Variants in ITGA9 observed in about 807,000 individuals in gnomAD.
ITGA9 encodes the protein integrin alpha-9.
Under a neutral mutation model 127.8 loss-of-function variants are expected in ITGA9, and 56 were observed. That is an observed-to-expected ratio of 0.44 (90% CI 0.35 to 0.55). The LOEUF (loss-of-function observed/expected upper bound fraction) is 0.55. Ranked by LOEUF, ITGA9 falls within the 20% of genes least tolerant of loss-of-function variation. The probability of loss-of-function intolerance (pLI) is 0.00; values close to 1 mark genes in which losing one functional copy is unlikely to be tolerated. For synonymous variants in ITGA9, 508 were observed against 514.5 expected (o/e 0.99, Z 0.17); for missense variants, 1,196 against 1,347.1 (o/e 0.89, Z 1.76).
At chr3:37,556,681 A>C (rs892248681) in intron 15 of ITGA9, among the ~76,000 whole-genome samples, 1 of 152,252 alleles carries the variant, frequency 6.6e-6, no homozygotes, top group African/African-American at 2.4e-5. Context: ...GCTGGTCCAT[A>C]GACCACAAAG....
chr3:37,635,799 G>A (rs1209772187), intron 16 of ITGA9, among the ~76,000 whole-genome samples: 12 of 100,974 alleles, frequency 1.2e-4, no homozygotes, highest in African/African-American at 3.7e-4. Flanking sequence ...CCCCACAACC[G>A]TCCCCGGTGT....
chr3:37,615,369 A>T (rs1338395227), intron 15 of ITGA9, among the ~76,000 whole-genome samples: 1 of 152,190 alleles, frequency 6.6e-6, no homozygotes, highest in Non-Finnish European at 1.5e-5. Flanking sequence ...TCGGTTTGCC[A>T]GTATTTTATT....
At chr3:37,765,832 T>A (rs192288407) in intron 23 of ITGA9, among the ~76,000 whole-genome samples, 1 of 152,372 alleles carries the variant, frequency 6.6e-6, no homozygotes, top group Non-Finnish European at 1.5e-5. Context: ...GTCTCCCTGC[T>A]GACTGAAGGC....
At position 37,743,986 on chromosome 3, in the gene ITGA9, G is replaced by C. The variant is rs749445153; in HGVS notation, c.2385G>C (p.Gln795His). The change falls in exon 22 of 28, where the codon CAG becomes CAC. Residue 795 changes from glutamine (Q) to histidine (H), a missense_variant. Coordinates refer to ENST00000264741, the MANE Select transcript of ITGA9 (RefSeq NM_002207.3). ...GESVDAANFI[Q>H]LDDLECHFQP... ...CCGTGGACGCAGCCAACTTCATTCA[G>C]CTGGATGACCTGGAGTGTCACTTTC... 3 of 1,614,152 alleles carry C rather than the reference G, an allele frequency of 1.9e-6. No homozygotes were observed. The highest frequency in any genetic ancestry group is 2.5e-6 in the Non-Finnish European group (3 of 1,179,998).
intron 15 of ITGA9, among the ~76,000 whole-genome samples, chr3:37,576,692 C>T (rs778212582): frequency 1.8e-4 from 27 of 152,332 alleles, no homozygotes; most frequent in Non-Finnish European, 2.4e-4. Flanking sequence ...CTGCAACCTC[C>T]GCCTCCCAGG....
Position 37,819,859 on chromosome 3 carries a change from T to C in ITGA9, c.*870T>C, listed in dbSNP as rs1267021846. On this transcript the variant is annotated 3_prime_UTR_variant, in exon 28 of 28. Transcript: ENST00000264741. ...GGCGTCTCATCCTGGACATCCTGCA[T>C]CAGAGTTCACACACCACAAGGACTA... The C allele has an allele frequency of 6.6e-6, 1 of 152,184 alleles. No individual in the cohort carries two copies. Among genetic ancestry groups the C allele is most frequent in the East Asian group, 1.9e-4 (1 of 5,200 alleles). The allele number at this position is 152,184 out of a possible 1,614,324, so 9.4% of individuals were successfully genotyped here.
chr3:37,609,781 T>C (rs568142865), intron 15 of ITGA9, among the ~76,000 whole-genome samples: 1 of 152,172 alleles, frequency 6.6e-6, no homozygotes, highest in Non-Finnish European at 1.5e-5. Context: ...ATGTCTAAGC[T>C]TCTTCATTCA....
intron 16 of ITGA9, among the ~76,000 whole-genome samples, chr3:37,649,848 G>A (rs572369991): frequency 2.6e-5 from 4 of 152,280 alleles, no homozygotes; most frequent in African/African-American, 4.8e-5. Context: ...ATTTCAGATC[G>A]AAATCATACC....
intron 26 of ITGA9, chr3:37,790,970 A>C (rs1354727773): frequency 6.6e-6 from 1 of 152,246 alleles, no homozygotes; most frequent in Admixed American, 6.5e-5. Flanking sequence ...GCTGGCCTGC[A>C]GAAAGAAAAG....
At chr3:37,594,120 G>A (rs1257322502) in intron 15 of ITGA9, among the ~76,000 whole-genome samples, 2 of 152,214 alleles carry the variant, frequency 1.3e-5, no homozygotes, top group African/African-American at 4.8e-5. Context: ...GCCTGGGATC[G>A]GAGTTCCAGG....
chr3:37,732,704 T>C lies in ITGA9; in HGVS notation c.2068-8T>C. 1 of 1,603,470 alleles carries C rather than the reference T, an allele frequency of 6.2e-7. No individual in the cohort carries two copies. Among genetic ancestry groups the C allele is most frequent in the Non-Finnish European group, 8.5e-7 (1 of 1,175,566 alleles). ...AGCCGGCCCATCTGTTGGTGCTTTT[T>C]CTTTCAGGAGGAGATGGGCATCTCC... On this transcript the variant is annotated splice_region_variant and splice_polypyrimidine_tract_variant and intron_variant, in intron 18 of 27. Transcript: ENST00000264741.
intron 23 of ITGA9, among the ~76,000 whole-genome samples, chr3:37,755,767 G>A (rs1211767000): frequency 6.6e-6 from 1 of 152,044 alleles, no homozygotes; most frequent in African/African-American, 2.4e-5. Context: ...ATAAGAGTTA[G>A]AAGTCAAGAG....
At chr3:37,603,561 G>T (rs1049488361) in intron 15 of ITGA9, among the ~76,000 whole-genome samples, 1 of 152,144 alleles carries the variant, frequency 6.6e-6, no homozygotes, top group Admixed American at 6.5e-5. Flanking sequence ...AATAGGGAAG[G>T]GATGTGTGAT....
chr3:37,561,928 G>A (rs955676621), intron 15 of ITGA9, among the ~76,000 whole-genome samples: 8 of 152,156 alleles, frequency 5.3e-5, no homozygotes, highest in Admixed American at 3.3e-4. Context: ...GCACTATTGT[G>A]CTTCCTGTGT....
chr3:37,665,707 G>A (rs1288084915), intron 17 of ITGA9, among the ~76,000 whole-genome samples: 3 of 152,054 alleles, frequency 2.0e-5, no homozygotes, highest in Non-Finnish European at 2.9e-5. Flanking sequence ...CACCTGCCTT[G>A]GCCTCCCAAA....
intron 18 of ITGA9, among the ~76,000 whole-genome samples, chr3:37,686,409 C>T (rs1365317888): frequency 6.6e-6 from 1 of 152,206 alleles, no homozygotes; most frequent in Non-Finnish European, 1.5e-5. Flanking sequence ...GCATCATTTT[C>T]TACCCCTGTA....
At chr3:37,618,218 A>G in intron 15 of ITGA9, among the ~76,000 whole-genome samples, 1 of 152,192 alleles carries the variant, frequency 6.6e-6, no homozygotes, top group Non-Finnish European at 1.5e-5. Flanking sequence ...GGAGTTTGCC[A>G]GAGGTCCACT....
rs771450462 is a variant in ITGA9, at chr3:37,736,953, A to G, written c.2204A>G (p.Glu735Gly). 7.4e-6 allele frequency: 12 copies of G among 1,613,340 alleles called. No homozygotes were observed. The East Asian group carries it at 2.5e-4, about 33-fold the overall frequency. Reference sequence around the variant, plus strand: ...ACAAGCCACCTGTCTGGGGAAGAGGAAGTTCTCAGCTTCATTGTTACTGCT... The same window carrying G: ...ACAAGCCACCTGTCTGGGGAAGAGGGAGTTCTCAGCTTCATTGTTACTGCT... ...FDTSHLSGEEEVLSFIVTAQS... is the reference protein window; with the variant it reads ...FDTSHLSGEEGVLSFIVTAQS... Residue 735 changes from glutamate (E) to glycine (G), a missense_variant, in exon 20 of 28, where the codon GAA becomes GGA. Coordinates refer to ENST00000264741, the MANE Select transcript of ITGA9 (RefSeq NM_002207.3).
At chr3:37,713,014 C>G (rs1701095118) in intron 18 of ITGA9, among the ~76,000 whole-genome samples, 1 of 152,218 alleles carries the variant, frequency 6.6e-6, no homozygotes, top group South Asian at 2.1e-4. Flanking sequence ...TCCTGCCCCA[C>G]TAGTGTTGAT....
Sources: gnomAD v4.1 joint callset for allele counts (sites outside exome capture counted in the v4.1 genomes callset) on GRCh38, gnomAD v4.1.1 for gene constraint, MANE v1.5 for transcripts, NCBI Gene and HGNC (gene_info 2026-07-23, HGNC 2026-07-21) for gene names.